Variants in ABI3BP observed in about 807,000 individuals in gnomAD.
The protein encoded by ABI3BP is ABI family member 3 binding protein.
Under a neutral mutation model 268.6 loss-of-function variants are expected in ABI3BP, and 216 were observed. That is an observed-to-expected ratio of 0.80 (90% CI 0.72 to 0.90). The LOEUF (loss-of-function observed/expected upper bound fraction) is 0.90. Ranked by LOEUF, ABI3BP falls within the 40% of genes least tolerant of loss-of-function variation. The probability of loss-of-function intolerance (pLI) is 0.00; values close to 1 mark genes in which losing one functional copy is unlikely to be tolerated. For missense variants in ABI3BP, 2,090 were observed against 2,182.4 expected, an observed-to-expected ratio of 0.96 and a Z score of 0.84; for synonymous variants, 730 against 730.0, an observed-to-expected ratio of 1.00 and a Z score of 0.00.
intron 49 of ABI3BP, among the ~76,000 whole-genome samples, chr3:100,810,047 A>G (rs1226641124): frequency 6.6e-6 from 1 of 152,128 alleles, no homozygotes; most frequent in Non-Finnish European, 1.5e-5. Flanking sequence ...AAAGCAAATC[A>G]GAAAGCTTAA....
At chr3:100,929,440 A>G (rs1225627011) in intron 1 of ABI3BP, among the ~76,000 whole-genome samples, 1 of 152,036 alleles carries the variant, frequency 6.6e-6, no homozygotes. Context: ...TCAACATCAT[A>G]TAACTATTCA....
intron 1 of ABI3BP, among the ~76,000 whole-genome samples, chr3:100,934,529 C>A (rs1314038577): frequency 6.6e-6 from 1 of 152,120 alleles, no homozygotes; most frequent in Non-Finnish European, 1.5e-5. Flanking sequence ...AATGGTATTT[C>A]TAGTTCTAGA....
intron 1 of ABI3BP, among the ~76,000 whole-genome samples, chr3:100,950,651 C>G (rs1421587586): frequency 6.6e-6 from 1 of 151,980 alleles, no homozygotes; most frequent in Non-Finnish European, 1.5e-5. Context: ...AAGGTGTAGA[C>G]TATCAACATC....
At chr3:100,829,090 C>T (rs1191160257) in intron 33 of ABI3BP, among the ~76,000 whole-genome samples, 1 of 151,624 alleles carries the variant, frequency 6.6e-6, no homozygotes, top group Non-Finnish European at 1.5e-5. Context: ...CTCTATTACT[C>T]TTCCCCTGAT....
intron 16 of ABI3BP, 56 bp from the exon 17 acceptor site, chr3:100,850,175 G>T: frequency 1.3e-6 from 2 of 1,506,952 alleles, no homozygotes; most frequent in Non-Finnish European, 1.8e-6. Context: ...TGAGGTATTT[G>T]AAGAATTTTA....
At chr3:100,944,448 G>C (rs894591803) in intron 1 of ABI3BP, among the ~76,000 whole-genome samples, 1 of 151,998 alleles carries the variant, frequency 6.6e-6, no homozygotes, top group African/African-American at 2.4e-5. Flanking sequence ...AGCAGAAAAT[G>C]TTACTTCTAC....
chr3:100,789,686 A>G (rs971338194), intron 55 of ABI3BP, among the ~76,000 whole-genome samples, 170 bp from the exon 56 acceptor site: 1 of 152,062 alleles, frequency 6.6e-6, no homozygotes, highest in Non-Finnish European at 1.5e-5. Context: ...AAATAAAACA[A>G]AGAAAATATA....
chr3:100,850,860 C>T (rs2098829510), intron 15 of ABI3BP, 126 bp from the exon 16 acceptor site: 3 of 667,854 alleles, frequency 4.5e-6, no homozygotes, highest in Non-Finnish European at 7.7e-6. Flanking sequence ...GGCTTGCTGG[C>T]CCACATTTTA....
chr3:100,831,484 C>T (rs1410214479), intron 31 of ABI3BP, among the ~76,000 whole-genome samples: 1 of 152,104 alleles, frequency 6.6e-6, no homozygotes, highest in Non-Finnish European at 1.5e-5. Flanking sequence ...AACCAACTCT[C>T]AGTTTTTGGT....
intron 63 of ABI3BP, 54 bp from the exon 64 acceptor site, chr3:100,754,745 G>A: frequency 7.0e-7 from 1 of 1,425,244 alleles, no homozygotes; most frequent in South Asian, 1.2e-5. Flanking sequence ...GGGCTAGGAG[G>A]CAACATTGCC....
intron 8 of ABI3BP, 63 bp from the exon 9 acceptor site, chr3:100,874,996 C>CACTT: frequency 1.1e-6 from 1 of 928,338 alleles, no homozygotes; most frequent in Non-Finnish European, 1.7e-6. Flanking sequence ...TAAAATGAAG[C>CACTT]TCAGCACATC....
intron 14 of ABI3BP, among the ~76,000 whole-genome samples, chr3:100,857,991 G>A (rs1051933433): frequency 3.9e-5 from 6 of 152,186 alleles, no homozygotes; most frequent in Non-Finnish European, 7.3e-5. Context: ...CTTTTCTAGC[G>A]CTTGCTCCTT....
intron 14 of ABI3BP, among the ~76,000 whole-genome samples, chr3:100,855,800 A>G (rs994916870): frequency 2.0e-5 from 3 of 152,266 alleles, no homozygotes; most frequent in Non-Finnish European, 4.4e-5. Flanking sequence ...AGAAAAATAC[A>G]GCAAGTAGCT....
At chr3:100,853,648 T>C (rs77323134) in intron 14 of ABI3BP, among the ~76,000 whole-genome samples, 289 of 152,326 alleles carry the variant, frequency 1.9e-3, no homozygotes, top group African/African-American at 6.3e-3. Context: ...CAAAAGATGA[T>C]ATTTATTCAC....
intron 1 of ABI3BP, among the ~76,000 whole-genome samples, chr3:100,946,207 C>T (rs1295365160): frequency 1.3e-5 from 2 of 151,146 alleles, no homozygotes; most frequent in African/African-American, 2.4e-5. Context: ...CCTGTCTCTA[C>T]TAAAAATGCA....
At chr3:100,984,350 C>T (rs774812303) in intron 1 of ABI3BP, among the ~76,000 whole-genome samples, 10 of 152,078 alleles carry the variant, frequency 6.6e-5, no homozygotes, top group Non-Finnish European at 1.0e-4. Flanking sequence ...ATTGCTATGT[C>T]ATAGGTGAGA....
At position 100,810,437 on chromosome 3, in the gene ABI3BP, G is replaced by T; in HGVS notation, c.3582C>A (p.Ser1194Arg). 2 of 1,534,872 alleles carry T rather than the reference G, an allele frequency of 1.3e-6. No homozygotes were observed. Among genetic ancestry groups the T allele is most frequent in the Non-Finnish European group, 1.7e-6 (2 of 1,146,032 alleles). Residue 1194 changes from serine to arginine, a missense_variant, in exon 49 of 68, where the codon AGC becomes AGA. Transcript: ENST00000471714. ...CAGGTTCAGTCTGAGGCTCATCTGGGCTGGGTAGGGTTATAGATTGAGAAG... is the reference window on the plus strand; with the variant it reads ...CAGGTTCAGTCTGAGGCTCATCTGGTCTGGGTAGGGTTATAGATTGAGAAG... ...PLPSQSITLP[S>R]PDEPQTEPAP... is the part of the protein sequence containing the mutation.
chr3:100,821,068 C>T lies in ABI3BP; in HGVS notation c.2933G>A (p.Trp978Ter). The change falls in exon 39 of 68, where the codon TGG becomes TAG. Residue 978 changes from tryptophan (W) to a stop codon, truncating the protein, a stop_gained. Transcript: ENST00000471714. LOFTEE classifies it high-confidence loss of function. ...LKPVTLRTET[W>*]VTTQAPKTSQ... ...CGTGCTATTACCTTGTGTTGTCACC[C>T]AAGTCTCAGTTCTGAGTGTAACAGG... The T allele has an allele frequency of 6.5e-7, 1 of 1,535,900 alleles. No individual in the cohort carries two copies. Among genetic ancestry groups the T allele is most frequent in the South Asian group, 1.2e-5 (1 of 84,054 alleles).
intron 63 of ABI3BP, among the ~76,000 whole-genome samples, chr3:100,760,942 C>T (rs2095904580): frequency 1.3e-5 from 2 of 151,824 alleles, no homozygotes; most frequent in Non-Finnish European, 2.9e-5. Context: ...TAGGTAAACT[C>T]ATGTCACAGG....
Sources: gnomAD v4.1 joint callset for allele counts (sites outside exome capture counted in the v4.1 genomes callset) on GRCh38, gnomAD v4.1.1 for gene constraint, MANE v1.5 for transcripts, NCBI Gene and HGNC (gene_info 2026-07-23, HGNC 2026-07-21) for gene names.